The following DLC1 variants were observed in gnomAD, a reference collection of about 807,000 sequenced individuals.
DLC1 encodes rho GTPase-activating protein 7.
In DLC1, 54 loss-of-function variants were observed where a neutral mutation model predicts 140.3. The observed-to-expected ratio is 0.38, with a 90% CI of 0.31 to 0.48. The LOEUF (loss-of-function observed/expected upper bound fraction) is 0.48, where lower values mean the gene tolerates loss of function less well. Among genes scored for constraint, DLC1 ranks in the 20% least tolerant of loss-of-function variants. DLC1 has a pLI of 0.96. For missense variants in DLC1, 2,536 were observed against 1,907.0 expected, an observed-to-expected ratio of 1.33 and a Z score of -6.14; for synonymous variants, 986 against 728.1, an observed-to-expected ratio of 1.35 and a Z score of -5.70.
At chr8:13,226,019 C>T (rs965759108) in intron 5 of DLC1, among the ~76,000 whole-genome samples, 1 of 151,958 alleles carries the variant, frequency 6.6e-6, no homozygotes. Flanking sequence ...CTCAATTGAT[C>T]CTCCCACATC....
At chr8:13,213,409 C>T (rs1828040844) in intron 5 of DLC1, among the ~76,000 whole-genome samples, 1 of 152,136 alleles carries the variant, frequency 6.6e-6, no homozygotes, top group Non-Finnish European at 1.5e-5. Flanking sequence ...ATAATGTCTT[C>T]CCAAGTTAAT....
intron 5 of DLC1, among the ~76,000 whole-genome samples, chr8:13,301,416 T>G (rs950381132): frequency 1.3e-5 from 2 of 152,210 alleles, no homozygotes; most frequent in African/African-American, 4.8e-5. Flanking sequence ...ACATCAGTGA[T>G]GCAGCGAGTG....
chr8:13,319,441 C>A (rs1380589665), intron 4 of DLC1, among the ~76,000 whole-genome samples: 1 of 147,300 alleles, frequency 6.8e-6, no homozygotes, highest in Non-Finnish European at 1.5e-5. Flanking sequence ...GAATTGTAAT[C>A]CCCAGTGCTG....
At chr8:13,088,835 T>C in intron 15 of DLC1, 131 bp from the exon 16 acceptor site, 1 of 693,296 alleles carries the variant, frequency 1.4e-6, no homozygotes, top group Non-Finnish European at 2.4e-6. Flanking sequence ...ATATAAATAA[T>C]ACTATATAAT....
chr8:13,341,546 T>C (rs1360828765), intron 4 of DLC1: 1 of 152,178 alleles, frequency 6.6e-6, no homozygotes, highest in Non-Finnish European at 1.5e-5. Flanking sequence ...CGTTTTGAGA[T>C]AGGGTGCCTT....
rs1241443217 is a variant in DLC1, at chr8:13,141,189, A to G, written c.1349-25532T>C. Among the ~76,000 whole-genome samples the G allele has an allele frequency of 2.3e-5, 3 of 133,010 alleles. No individual in the cohort carries two copies. In the Admixed American group the frequency reaches 2.6e-4, roughly 12 times the overall value. 87.3% of individuals were successfully genotyped at this position (133,010 alleles called of 152,430 possible). On this transcript the variant is annotated intron_variant, in intron 5 of 17. Coordinates refer to ENST00000276297, the MANE Select transcript of DLC1 (RefSeq NM_182643.3). ...AGAATCACTTGAATCTGGGAGGTGGAGTTTGCGGTGAGCCGAGATTGCGCC... is the reference window on the plus strand; with the variant it reads ...AGAATCACTTGAATCTGGGAGGTGGGGTTTGCGGTGAGCCGAGATTGCGCC...
At chr8:13,393,374 C>G (rs1211724005) in intron 4 of DLC1, among the ~76,000 whole-genome samples, 179 bp downstream of exon 4, 1 of 152,126 alleles carries the variant, frequency 6.6e-6, no homozygotes, top group Non-Finnish European at 1.5e-5. Context: ...CTTGTGTTAT[C>G]ATTTATAAAA....
chr8:13,209,611 G>A (rs1827840054), intron 5 of DLC1, among the ~76,000 whole-genome samples: 1 of 152,176 alleles, frequency 6.6e-6, no homozygotes, highest in Admixed American at 6.5e-5. Context: ...CTGGTGGAGT[G>A]TTCGGGTCTT....
At chr8:13,117,516 G>A (rs914511695) in intron 5 of DLC1, among the ~76,000 whole-genome samples, 1 of 152,062 alleles carries the variant, frequency 6.6e-6, no homozygotes, top group African/African-American at 2.4e-5. Context: ...TGCCCTATCT[G>A]TGTGCCTGCC....
intron 5 of DLC1, 107 bp downstream of exon 5, chr8:13,305,162 T>C (rs1832369039): frequency 4.1e-6 from 6 of 1,453,550 alleles, no homozygotes; most frequent in Non-Finnish European, 5.5e-6. Context: ...TTTTCCCATA[T>C]ATTCATGAGA....
intron 2 of DLC1, among the ~76,000 whole-genome samples, chr8:13,473,141 A>G (rs1011713128): frequency 6.6e-6 from 1 of 152,174 alleles, no homozygotes; most frequent in Admixed American, 6.5e-5. Context: ...GTGTTCAGGT[A>G]CTATTTATGA....
chr8:13,298,192 G>A (rs1467941418), intron 5 of DLC1, among the ~76,000 whole-genome samples: 1 of 152,042 alleles, frequency 6.6e-6, no homozygotes, highest in Non-Finnish European at 1.5e-5. Flanking sequence ...ACATTTTATG[G>A]CCAACCAAAT....
intron 5 of DLC1, among the ~76,000 whole-genome samples, chr8:13,234,544 C>G (rs915275147): frequency 8.5e-5 from 13 of 152,160 alleles, no homozygotes; most frequent in African/African-American, 3.1e-4. Context: ...GGAGATATTA[C>G]AAATGAAGAA....
intron 4 of DLC1, among the ~76,000 whole-genome samples, chr8:13,349,028 A>T (rs138406669): frequency 1.5e-4 from 23 of 152,262 alleles, no homozygotes; most frequent in African/African-American, 5.5e-4. Flanking sequence ...TAGCACTAAG[A>T]TTCGTAGATC....
intron 1 of DLC1, chr8:13,567,845 T>C (rs931046677): frequency 2.7e-5 from 42 of 1,551,712 alleles, no homozygotes; most frequent in Non-Finnish European, 3.4e-5. Flanking sequence ...GAGCAGAAGT[T>C]GCAGCGAGAT....
chr8:13,562,050 G>A (rs1157512440), intron 1 of DLC1, among the ~76,000 whole-genome samples: 3 of 152,094 alleles, frequency 2.0e-5, no homozygotes, highest in Admixed American at 2.0e-4. Flanking sequence ...AAAGGAGATA[G>A]AACAGGGGAT....
At chr8:13,142,771 C>T (rs1203820523) in intron 5 of DLC1, among the ~76,000 whole-genome samples, 1 of 152,158 alleles carries the variant, frequency 6.6e-6, no homozygotes, top group African/African-American at 2.4e-5. Flanking sequence ...ACTGGCATGC[C>T]AGGCAAGGTG....
intron 4 of DLC1, among the ~76,000 whole-genome samples, chr8:13,360,808 A>G (rs1275361351): frequency 2.0e-5 from 3 of 152,208 alleles, no homozygotes; most frequent in Non-Finnish European, 2.9e-5. Flanking sequence ...AAACATTGTC[A>G]ACAGTTTGGT....
At chr8:13,249,811 C>A (rs1177481455) in intron 5 of DLC1, among the ~76,000 whole-genome samples, 1 of 152,206 alleles carries the variant, frequency 6.6e-6, no homozygotes, top group Non-Finnish European at 1.5e-5. Context: ...AAATTATCCC[C>A]ATTGATCCTT....
Sources: gnomAD v4.1 joint callset for allele counts (sites outside exome capture counted in the v4.1 genomes callset) on GRCh38, gnomAD v4.1.1 for gene constraint, MANE v1.5 for transcripts, NCBI Gene and HGNC (gene_info 2026-07-23, HGNC 2026-07-21) for gene names.